The following CAMKMT variants were observed in gnomAD, a reference collection of about 807,000 sequenced individuals.
CAMKMT encodes the protein calmodulin-lysine N-methyltransferase.
A neutral mutation model predicts 48.0 loss-of-function variants in CAMKMT; 53 were observed. The observed-to-expected ratio is 1.10, with a 90% CI of 0.89 to 1.39. The LOEUF (loss-of-function observed/expected upper bound fraction) is 1.39, where lower values mean the gene tolerates loss of function less well. Among genes scored for constraint, CAMKMT ranks in the 40% most tolerant of loss-of-function variants. The pLI is 0.00. For synonymous variants in CAMKMT, 165 were observed against 152.3 expected (o/e 1.08, Z -0.61); for missense variants, 428 against 402.7 (o/e 1.06, Z -0.54).
chr2:44,638,162 A>G (rs753636428), intron 3 of CAMKMT, among the ~76,000 whole-genome samples: 2 of 152,164 alleles, frequency 1.3e-5, no homozygotes, highest in Non-Finnish European at 2.9e-5. Flanking sequence ...GAAACTATAT[A>G]TACTTTCTTT....
chr2:44,612,050 C>A (rs1463304605), intron 3 of CAMKMT, among the ~76,000 whole-genome samples: 1 of 152,140 alleles, frequency 6.6e-6, no homozygotes, highest in African/African-American at 2.4e-5. Context: ...ACTATATCAT[C>A]TGGGTAACTT....
rs1316517352 is a variant in CAMKMT at position 44,618,883 on chromosome 2, T to C, written c.377-85400T>C. Among the ~76,000 whole-genome samples, 3 of 152,250 alleles carry C rather than the reference T, an allele frequency of 2.0e-5. No individual in the cohort carries two copies. The highest frequency in any genetic ancestry group is 4.4e-5 in the Non-Finnish European group (3 of 68,038). Reference sequence around the variant, plus strand: ...ATGTATAATTGATGACAATGTTTCATGTAATTATTGATAACTTCATTTATG... The same window carrying C: ...ATGTATAATTGATGACAATGTTTCACGTAATTATTGATAACTTCATTTATG... On this transcript the variant is annotated intron_variant, in intron 3 of 10. Transcript: ENST00000378494. The surrounding 1 kb of genome is among the most constrained non-coding windows in gnomAD (Gnocchi z 4.0).
chr2:44,702,448 C>G (rs1385549065), intron 3 of CAMKMT, among the ~76,000 whole-genome samples: 1 of 152,092 alleles, frequency 6.6e-6, no homozygotes, highest in Non-Finnish European at 1.5e-5. Context: ...GTGTTAGGAA[C>G]CATTCTAAAC....
chr2:44,748,022 G>A (rs781115316), intron 8 of CAMKMT, among the ~76,000 whole-genome samples: 2 of 152,122 alleles, frequency 1.3e-5, no homozygotes, highest in Non-Finnish European at 2.9e-5. Flanking sequence ...ATCCACTTAA[G>A]CTACTGCTGT....
intron 3 of CAMKMT, among the ~76,000 whole-genome samples, chr2:44,589,915 A>AAAAAAAAAACC (rs1670157899): frequency 1.2e-5 from 1 of 80,536 alleles, no homozygotes; most frequent in Non-Finnish European, 2.7e-5. Context: ...AAAAGAACGA[A>AAAAAAAAAACC]AAAAAAAAAA....
intron 3 of CAMKMT, among the ~76,000 whole-genome samples, chr2:44,470,412 G>T (rs1668352281): frequency 6.6e-6 from 1 of 152,180 alleles, no homozygotes; most frequent in South Asian, 2.1e-4. Flanking sequence ...ATGGGCAGTA[G>T]TGTCTCTCAT....
intron 3 of CAMKMT, among the ~76,000 whole-genome samples, chr2:44,557,419 G>A (rs1030613534): frequency 6.6e-6 from 1 of 152,112 alleles, no homozygotes; most frequent in Non-Finnish European, 1.5e-5. Flanking sequence ...GGTACAATAA[G>A]GGCAGGCCAT....
Position 44,372,754 on chromosome 2 carries a change from T to C in CAMKMT, c.177T>C (p.His59=), listed in dbSNP as rs369307588. 12 of 1,613,446 alleles carry C rather than the reference T, an allele frequency of 7.4e-6. No individual in the cohort carries two copies. In the African/African-American group the frequency reaches 8.0e-5, roughly 11 times the overall value. ...AACACCTGGATGATTGCCTGCGACA[T>C]GTATCTGTAAGAAGATTTGAATCAT... ...KQKHLDDCLR[H]VSVRRFESFN... is the part of the protein sequence containing the mutation. The change falls in exon 2 of 11, where the codon CAT becomes CAC. Residue 59 remains histidine, a synonymous_variant. Transcript: ENST00000378494.
chr2:44,771,354 A>G (rs984937208), intron 10 of CAMKMT, among the ~76,000 whole-genome samples: 1 of 152,232 alleles, frequency 6.6e-6, no homozygotes, highest in African/African-American at 2.4e-5. Context: ...ATAACTTTAA[A>G]ACTATTCCAG....
intron 5 of CAMKMT, among the ~76,000 whole-genome samples, chr2:44,706,629 T>C (rs1009517949): frequency 1.3e-5 from 2 of 148,300 alleles, no homozygotes; most frequent in African/African-American, 2.5e-5. Context: ...TTTTTTTTTT[T>C]CAGATTATAG....
At chr2:44,620,520 C>G (rs756709508) in intron 3 of CAMKMT, among the ~76,000 whole-genome samples, 4 of 152,148 alleles carry the variant, frequency 2.6e-5, no homozygotes, top group South Asian at 4.1e-4. Flanking sequence ...TCAGGTGGCC[C>G]CTTTGTACCA....
At chr2:44,452,132 T>G (rs757079215) in intron 3 of CAMKMT, among the ~76,000 whole-genome samples, 5 of 151,942 alleles carry the variant, frequency 3.3e-5, no homozygotes, top group Non-Finnish European at 5.9e-5. Context: ...TTAGGGTAAT[T>G]ACATCAAAAG....
At chr2:44,405,136 C>T (rs1203479658) in intron 3 of CAMKMT, among the ~76,000 whole-genome samples, 2 of 151,942 alleles carry the variant, frequency 1.3e-5, no homozygotes, top group East Asian at 1.9e-4. Context: ...TATCTAAATA[C>T]AAGGTTTAAA....
intron 8 of CAMKMT, among the ~76,000 whole-genome samples, chr2:44,745,417 A>T (rs758749879): frequency 6.6e-6 from 1 of 152,188 alleles, no homozygotes; most frequent in Non-Finnish European, 1.5e-5. Context: ...GCCACACAAC[A>T]TGTTTGGAAA....
intron 3 of CAMKMT, among the ~76,000 whole-genome samples, chr2:44,646,395 C>T (rs1673734700): frequency 6.6e-6 from 1 of 151,964 alleles, no homozygotes; most frequent in Admixed American, 6.6e-5. Flanking sequence ...GCTAGTTTAC[C>T]TGTCTCATAA....
chr2:44,375,390 A>G (rs1679583315), intron 2 of CAMKMT, among the ~76,000 whole-genome samples: 1 of 151,632 alleles, frequency 6.6e-6, no homozygotes, highest in African/African-American at 2.4e-5. Context: ...AAAAACAGAA[A>G]TAAATATAAA....
At chr2:44,390,565 G>T in intron 3 of CAMKMT, among the ~76,000 whole-genome samples, 1 of 151,648 alleles carries the variant, frequency 6.6e-6, no homozygotes. Context: ...AGAGGGAGAT[G>T]GAGAGAGTAG....
chr2:44,731,899 A>G (rs554758934), intron 7 of CAMKMT, among the ~76,000 whole-genome samples: 1 of 152,346 alleles, frequency 6.6e-6, no homozygotes, highest in South Asian at 2.1e-4. Flanking sequence ...TTTCTGCTAT[A>G]CTATACCTGT....
intron 3 of CAMKMT, among the ~76,000 whole-genome samples, chr2:44,390,810 C>G (rs1234440317): frequency 6.6e-6 from 1 of 152,060 alleles, no homozygotes; most frequent in Non-Finnish European, 1.5e-5. Context: ...TACAATATTA[C>G]AGAATATATT....
Sources: gnomAD v4.1 joint callset for allele counts (sites outside exome capture counted in the v4.1 genomes callset) on GRCh38, gnomAD v4.1.1 for gene constraint, Gnocchi (gnomAD v3.1) non-coding constraint, MANE v1.5 for transcripts, NCBI Gene and HGNC (gene_info 2026-07-23, HGNC 2026-07-21) for gene names.